The following NFAT5 variants were observed in gnomAD, a reference collection of about 807,000 sequenced individuals.
NFAT5 encodes the protein nuclear factor of activated T-cells 5.
NFAT5 carries 31 observed loss-of-function variants against 166.5 expected under a neutral mutation model. The observed-to-expected ratio is 0.19, with a 90% CI of 0.14 to 0.25. The LOEUF (loss-of-function observed/expected upper bound fraction) is 0.25. Ranked by LOEUF, NFAT5 falls within the 10% of genes least tolerant of loss-of-function variation. The pLI is 1.00. For missense variants in NFAT5, 1,449 were observed against 1,821.8 expected (o/e 0.80, Z 3.72); for synonymous variants, 612 against 639.7 (o/e 0.96, Z 0.65).
chr16:69,645,381 T>A (rs986421074), intron 3 of NFAT5, among the ~76,000 whole-genome samples: 9 of 152,202 alleles, frequency 5.9e-5, no homozygotes, highest in African/African-American at 1.2e-4. Flanking sequence ...TTCTTTAGAC[T>A]CCTTCACTTA....
chr16:69,603,202 T>TA (rs2033229590), intron 2 of NFAT5, among the ~76,000 whole-genome samples: 1 of 152,198 alleles, frequency 6.6e-6, no homozygotes, highest in African/African-American at 2.4e-5. Context: ...CTTACACTTT[T>TA]AAAAAATTTC....
intron 9 of NFAT5, among the ~76,000 whole-genome samples, chr16:69,671,567 C>T (rs762503009): frequency 9.2e-5 from 14 of 152,186 alleles, no homozygotes; most frequent in Non-Finnish European, 1.8e-4. Context: ...GACGGGGTTT[C>T]ACCATGTTGG....
chr16:69,601,242 T>C (rs771477084), intron 2 of NFAT5, among the ~76,000 whole-genome samples: 1 of 152,218 alleles, frequency 6.6e-6, no homozygotes, highest in Non-Finnish European at 1.5e-5. Context: ...GGCGTCTCTA[T>C]ATATGTATAC....
intron 6 of NFAT5, among the ~76,000 whole-genome samples, chr16:69,657,121 G>A (rs1483537876): frequency 6.8e-6 from 1 of 147,132 alleles, no homozygotes; most frequent in Non-Finnish European, 1.5e-5. Context: ...GACATTTTGA[G>A]AAATATTTTG....
Position 69,655,668 on chromosome 16 carries a change from A to G in NFAT5, c.1065A>G (p.Arg355=). The part of the protein sequence containing the change: ...LQVFVGNDSG[R]VKPHGFYQAC... The stretch of plus-strand genomic sequence containing the variant: ...TGTTTGTGGGCAACGACTCTGGACG[A>G]GTGAAACCACATGGATTTTATCAGG... Residue 355 remains arginine, a synonymous_variant, in exon 6 of 15, where the codon CGA becomes CGG. Coordinates refer to ENST00000349945, the MANE Select transcript of NFAT5 (RefSeq NM_138713.4). The G allele has an allele frequency of 1.2e-6, 2 of 1,613,608 alleles. No homozygotes were observed. Among genetic ancestry groups the G allele is most frequent in the Non-Finnish European group, 1.7e-6 (2 of 1,179,664 alleles).
chr16:69,657,256 G>A (rs944178365), intron 6 of NFAT5, among the ~76,000 whole-genome samples: 5 of 151,122 alleles, frequency 3.3e-5, no homozygotes, highest in Admixed American at 6.6e-5. Flanking sequence ...TCAGCCTCCC[G>A]AGTAGCTTGG....
chr16:69,683,928 A>C (rs1393681032), intron 10 of NFAT5, among the ~76,000 whole-genome samples: 2 of 151,642 alleles, frequency 1.3e-5, no homozygotes, highest in Non-Finnish European at 2.9e-5. Context: ...GTGAAACCCC[A>C]TCTGTACTGA....
chr16:69,566,113 C>CGGT lies in NFAT5; in HGVS notation c.-189_-188insGGT. On this transcript the variant is annotated 5_prime_UTR_variant, in exon 1 of 15. Coordinates refer to ENST00000349945, the MANE Select transcript of NFAT5 (RefSeq NM_138713.4). This position sits in a 1 kb window ranked among gnomAD's most constrained non-coding sequence, Gnocchi z 5.7. ...CGAGAATCAGTCCCCGTGGAGTTCC[C>CGGT]CCTCCACCTCGCCATCGTTTCCTCG... is the stretch of plus-strand genomic sequence containing the variant. The CGGT allele has an allele frequency of 3.5e-6, 2 of 575,364 alleles. No homozygotes were observed. Among genetic ancestry groups the CGGT allele is most frequent in the Non-Finnish European group, 6.0e-6 (2 of 331,194 alleles). 35.6% of individuals were successfully genotyped at this position (575,364 alleles called of 1,614,324 possible). A position where few individuals can be genotyped will look rare whatever the true frequency, so the allele number is the denominator to read the frequency against.
chr16:69,609,534 T>A (rs2033601330), intron 2 of NFAT5, among the ~76,000 whole-genome samples: 1 of 152,140 alleles, frequency 6.6e-6, no homozygotes, highest in Admixed American at 6.5e-5. Flanking sequence ...ATGGAAAAAA[T>A]TGAATTAAGA....
chr16:69,687,712 G>A (rs1267605529), intron 11 of NFAT5, among the ~76,000 whole-genome samples: 1 of 151,932 alleles, frequency 6.6e-6, no homozygotes, highest in Non-Finnish European at 1.5e-5. Context: ...TTGTAGATCT[G>A]TTAAGCAGTA....
chr16:69,653,293 A>G lies in NFAT5; in HGVS notation c.870A>G (p.Gln290=), dbSNP rs530092980. The change falls in exon 5 of 15, where the codon CAA becomes CAG. Residue 290 remains glutamine (Q), a synonymous_variant. Coordinates refer to ENST00000349945, the MANE Select transcript of NFAT5 (RefSeq NM_138713.4). ...GVKKSPMLCG[Q]YPVKSEGKEL... is the part of the protein sequence containing the mutation. ...AGAAGAGCCCTATGTTGTGTGGACA[A>G]TATCCTGTTAAAAGTGAGGGAAAGG... is the stretch of plus-strand genomic sequence containing the variant. The G allele has an allele frequency of 5.6e-6, 9 of 1,612,320 alleles. No homozygotes were observed. The East Asian group carries it at 1.3e-4, about 24-fold the overall frequency.
chr16:69,573,126 G>A (rs28473508), intron 2 of NFAT5, among the ~76,000 whole-genome samples: 27,118 of 152,162 alleles, frequency 0.18, 2,613 homozygotes, highest in East Asian at 0.36. Context: ...ACGGGCATGT[G>A]CCACCGCATC....
chr16:69,646,987 A>C (rs747213097), intron 3 of NFAT5, 41 bp from the exon 4 acceptor site: 1 of 1,454,518 alleles, frequency 6.9e-7, no homozygotes, highest in Non-Finnish European at 9.2e-7. Flanking sequence ...GCATAGGTGA[A>C]AACATGTATA....
chr16:69,593,308 G>T (rs2032584170), intron 2 of NFAT5, among the ~76,000 whole-genome samples: 1 of 151,818 alleles, frequency 6.6e-6, no homozygotes, highest in South Asian at 2.1e-4. Context: ...CTTTACTTGT[G>T]GTATTGCAGC....
intron 9 of NFAT5, among the ~76,000 whole-genome samples, chr16:69,673,733 A>G (rs554356762): frequency 2.0e-5 from 3 of 152,264 alleles, no homozygotes; most frequent in Admixed American, 2.0e-4. Context: ...ACAAAAAAAA[A>G]AGACAACACA....
Position 69,565,970 on chromosome 16 carries a change from T to C in NFAT5, c.-332T>C, listed in dbSNP as rs1186067440. On this transcript the variant is annotated 5_prime_UTR_variant, in exon 1 of 15. Transcript: ENST00000349945. ...TGCCCCACGGGGGCGGGGCTCAGAT[T>C]CCTGTCAGCGGCGGCGGCGGTGGCG... 6.6e-6 allele frequency: 2 copies of C among 300,864 alleles called. No homozygotes were observed. Among genetic ancestry groups the C allele is most frequent in the East Asian group, 1.9e-4 (2 of 10,374 alleles). 18.6% of individuals were successfully genotyped at this position (300,864 alleles called of 1,614,324 possible). A position where few individuals can be genotyped will look rare whatever the true frequency, so the allele number is the denominator to read the frequency against.
rs200933617 is a variant in NFAT5 at position 69,647,162 on chromosome 16, G to A, written c.388G>A (p.Val130Met). 4.2e-4 allele frequency: 673 copies of A among 1,614,014 alleles called. 2 individuals carry two copies. Among genetic ancestry groups the A allele is most frequent in the Middle Eastern group, 3.3e-4 (2 of 6,082 alleles). The change falls in exon 4 of 15, where the codon GTG (valine) becomes ATG (methionine). Residue 130 changes from valine (V) to methionine (M), a missense_variant. Around this residue, in one of 7 missense-constraint regions of NFAT5, gnomAD observed 172 missense variants for 194.5 expected, o/e 0.88. Transcript: ENST00000349945. The surrounding 1 kb of genome is among the most constrained non-coding windows in gnomAD (Gnocchi z 4.8). ...GCAAGTGGAGAGCTGCTCCTCAGCC[G>A]TGGGGGTAAGTAACAGAGGGGTAAG... ...AMQVESCSSA[V>M]GVSNRGVSEK...
At chr16:69,585,875 A>G (rs1344552037) in intron 2 of NFAT5, among the ~76,000 whole-genome samples, 1 of 152,196 alleles carries the variant, frequency 6.6e-6, no homozygotes, top group Non-Finnish European at 1.5e-5. Flanking sequence ...ATGGGAAACT[A>G]TAGTTAAATG....
Position 69,659,910 on chromosome 16 carries a change from A to C in NFAT5, c.1369+11A>C, listed in dbSNP as rs1221632357. On this transcript the variant is annotated intron_variant, in intron 7 of 14. Coordinates refer to ENST00000349945, the MANE Select transcript of NFAT5 (RefSeq NM_138713.4). ...CTCCAATTTTGTGTAGTAAGTAAGA[A>C]GATACGGAGATACTAAACATATGGA... 2 of 1,573,264 alleles carry C rather than the reference A, an allele frequency of 1.3e-6. No individual in the cohort carries two copies.
Sources: allele counts gnomAD v4.1 joint callset (sites outside exome capture counted in the v4.1 genomes callset), GRCh38; gene constraint gnomAD v4.1.1; regional missense constraint gnomAD v4.1.1; non-coding constraint Gnocchi (gnomAD v3.1); transcripts MANE v1.5; gene names NCBI Gene and HGNC (gene_info 2026-07-23, HGNC 2026-07-21).